The following TBXAS1 variants were observed in gnomAD, a reference collection of about 807,000 sequenced individuals.
TBXAS1 encodes the protein thromboxane A synthase 1, also known as thromboxane-A synthase.
TBXAS1 carries 48 observed loss-of-function variants against 60.7 expected under a neutral mutation model. The ratio of observed to expected loss-of-function variants is 0.79; its 90% CI spans 0.63 to 1.01. TBXAS1 has a LOEUF of 1.01. Among genes scored for constraint, TBXAS1 ranks in the 50% least tolerant of loss-of-function variants. TBXAS1 has a pLI of 0.00. For missense variants in TBXAS1, 685 were observed against 686.3 expected, an observed-to-expected ratio of 1.00 and a Z score of 0.02; for synonymous variants, 287 against 269.7, an observed-to-expected ratio of 1.06 and a Z score of -0.63.
chr7:140,016,206 T>C (rs1263619129), intron 11 of TBXAS1, among the ~76,000 whole-genome samples: 2 of 151,946 alleles, frequency 1.3e-5, no homozygotes, highest in Admixed American at 1.3e-4. Context: ...CGGGCGCCTG[T>C]AGTCCCAGCT....
chr7:139,846,611 T>C (rs535222178), intron 1 of TBXAS1, among the ~76,000 whole-genome samples: 1 of 152,356 alleles, frequency 6.6e-6, no homozygotes, highest in South Asian at 2.1e-4. Context: ...TTTGTTTATC[T>C]AGTTATTTTG....
At position 139,959,007 on chromosome 7, in the gene TBXAS1, T is replaced by TCACACACACACACACA. The variant is rs8192836; in HGVS notation, c.819+1259_819+1274dup. On this transcript the variant is annotated intron_variant, in intron 8 of 12. Coordinates refer to ENST00000448866, the MANE Select transcript of TBXAS1 (RefSeq NM_001061.7). ...ACTAAGGGCCACCTTTTGAGAGTGTTCACACACACACACACACACACACAC... is the reference window on the plus strand; with the variant it reads ...ACTAAGGGCCACCTTTTGAGAGTGTTCACACACACACACACACACACACACACACACACACACACAC... 4.7e-3 allele frequency among the ~76,000 whole-genome samples: 709 copies of TCACACACACACACACA among 149,834 alleles called. 7 individuals carry two copies. The highest frequency in any genetic ancestry group is 4.7e-3 in the Non-Finnish European group (317 of 67,416).
At chr7:139,867,212 C>T (rs1271485549) in intron 1 of TBXAS1, among the ~76,000 whole-genome samples, 2 of 152,174 alleles carry the variant, frequency 1.3e-5, no homozygotes, top group African/African-American at 4.8e-5. Context: ...CCTGGAGAAG[C>T]GCTATTTGCC....
chr7:139,927,035 CCCAGACTGGAGTG>C (rs1163777013), intron 4 of TBXAS1, among the ~76,000 whole-genome samples: 1 of 152,034 alleles, frequency 6.6e-6, no homozygotes, highest in Admixed American at 6.6e-5. Context: ...CACTCTGTCA[CCCAGACTGGAGTG>C]CAGTGGCATG....
intron 9 of TBXAS1, among the ~76,000 whole-genome samples, chr7:139,968,587 G>A (rs772690801): frequency 7.9e-5 from 12 of 152,172 alleles, no homozygotes; most frequent in Non-Finnish European, 1.5e-4. Context: ...GAGCCACCGC[G>A]CCCGGCTTCA....
chr7:140,018,719 C>G (rs186995202), intron 12 of TBXAS1, among the ~76,000 whole-genome samples: 4 of 152,316 alleles, frequency 2.6e-5, no homozygotes, highest in Admixed American at 1.3e-4. Context: ...AATAACTTGC[C>G]TAAGGCCACA....
intron 2 of TBXAS1, among the ~76,000 whole-genome samples, chr7:139,781,034 A>G (rs1796967919): frequency 2.0e-5 from 3 of 152,216 alleles, no homozygotes; most frequent in Non-Finnish European, 4.4e-5. Context: ...TCTCCTCCCC[A>G]TAAGAAGGGA....
chr7:139,948,087 A>T (rs1212336630), intron 5 of TBXAS1, among the ~76,000 whole-genome samples: 1 of 151,766 alleles, frequency 6.6e-6, no homozygotes, highest in African/African-American at 2.4e-5. Context: ...CTAGTCTTGA[A>T]CTCCTGACAT....
rs1395823522 is a variant in TBXAS1 at position 140,017,829 on chromosome 7, C to G, written c.1523C>G (p.Thr508Ser). Residue 508 changes from threonine to serine, a missense_variant, in exon 12 of 13, where the codon ACC (threonine) becomes AGC (serine). Physicochemically the swap from Thr to Ser is moderately conservative, Grantham distance 58. Transcript: ENST00000448866. Reference protein sequence around the residue: ...HKFRFQACPETQVPLQLESKS... With the variant: ...HKFRFQACPESQVPLQLESKS... Reference sequence around the variant, plus strand: ...TTCCGGTTCCAAGCCTGCCCTGAGACCCAGGTGAGGCCCCCCTGCTCAGAG... The same window carrying G: ...TTCCGGTTCCAAGCCTGCCCTGAGAGCCAGGTGAGGCCCCCCTGCTCAGAG... The G allele has an allele frequency of 1.2e-6, 2 of 1,614,054 alleles. No individual in the cohort carries two copies. Among genetic ancestry groups the G allele is most frequent in the East Asian group, 2.2e-5 (1 of 44,850 alleles).
intron 4 of TBXAS1, among the ~76,000 whole-genome samples, chr7:139,793,876 C>T (rs1569490776): frequency 6.6e-6 from 1 of 152,246 alleles, no homozygotes; most frequent in East Asian, 1.9e-4. Context: ...TCCTTCTTAC[C>T]TCTCTCTCCT....
chr7:139,957,570 C>A lies in TBXAS1; in HGVS notation c.689-64C>A. The A allele has an allele frequency of 2.5e-6, 4 of 1,610,022 alleles. No individual in the cohort carries two copies. In the Admixed American group the frequency reaches 5.0e-5, roughly 20 times the overall value. ...CCCGCGTTTGCTTCCCGGGAACAGG[C>A]GTCTAATGGCCCTGGTTTATTATCA... On this transcript the variant is annotated intron_variant, in intron 7 of 12. Coordinates refer to ENST00000448866, the MANE Select transcript of TBXAS1 (RefSeq NM_001061.7).
At chr7:139,809,240 TAGATAGATA>T (rs1569493093) in intron 4 of TBXAS1, among the ~76,000 whole-genome samples, 95 of 55,318 alleles carry the variant, frequency 1.7e-3, no homozygotes, top group African/African-American at 5.4e-3. Flanking sequence ...AGATGATAGA[TAGATAGATA>T]GATAGATAGA....
chr7:139,809,382 C>T (rs1797973287), intron 4 of TBXAS1, among the ~76,000 whole-genome samples: 1 of 148,678 alleles, frequency 6.7e-6, no homozygotes, highest in Admixed American at 6.7e-5. Context: ...ACAGAACCAA[C>T]AGGAGATAGA....
At chr7:139,809,516 A>G (rs1262229757) in intron 4 of TBXAS1, among the ~76,000 whole-genome samples, 1 of 152,148 alleles carries the variant, frequency 6.6e-6, no homozygotes, top group Non-Finnish European at 1.5e-5. Context: ...GGTTATCTAC[A>G]AGCTGGAGAC....
At chr7:139,796,420 T>TA (rs1797573386) in intron 4 of TBXAS1, among the ~76,000 whole-genome samples, 1 of 152,190 alleles carries the variant, frequency 6.6e-6, no homozygotes, top group African/African-American at 2.4e-5. Context: ...CCAACTATGA[T>TA]ATTCTGGCAT....
intron 9 of TBXAS1, among the ~76,000 whole-genome samples, chr7:139,983,571 C>A (rs890283451): frequency 6.6e-6 from 1 of 151,966 alleles, no homozygotes; most frequent in Non-Finnish European, 1.5e-5. Flanking sequence ...AGTAAACTGG[C>A]GGGAAGAAAG....
At chr7:139,986,082 G>A (rs1389295679) in intron 9 of TBXAS1, among the ~76,000 whole-genome samples, 2 of 152,216 alleles carry the variant, frequency 1.3e-5, no homozygotes, top group African/African-American at 2.4e-5. Flanking sequence ...ACAGGCTGGC[G>A]GGCGGAGGAG....
intron 4 of TBXAS1, among the ~76,000 whole-genome samples, chr7:139,933,833 C>T (rs1038402715): frequency 7.2e-6 from 1 of 138,644 alleles, no homozygotes; most frequent in Non-Finnish European, 1.5e-5. Flanking sequence ...CTGCTTGGTC[C>T]CCCAACCGCC....
intron 5 of TBXAS1, among the ~76,000 whole-genome samples, chr7:139,949,148 T>G (rs1808994633): frequency 6.6e-6 from 1 of 152,220 alleles, no homozygotes; most frequent in Non-Finnish European, 1.5e-5. Context: ...GGGCTTTCTT[T>G]CACACTGTCC....
Sources: allele counts gnomAD v4.1 joint callset (sites outside exome capture counted in the v4.1 genomes callset), GRCh38; gene constraint gnomAD v4.1.1; transcripts MANE v1.5; gene names NCBI Gene and HGNC (gene_info 2026-07-23, HGNC 2026-07-21).